The following TENM2 variants were observed in gnomAD, a reference collection of about 807,000 sequenced individuals.
TENM2 encodes the protein teneurin-2.
A neutral mutation model predicts 245.2 loss-of-function variants in TENM2; 52 were observed. The observed-to-expected ratio is 0.21, with a 90% confidence interval of 0.17 to 0.27. TENM2 has a LOEUF of 0.27. Ranked by LOEUF, TENM2 falls within the 10% of genes least tolerant of loss-of-function variation. The pLI is 1.00. For missense variants in TENM2, 3,046 were observed against 3,666.8 expected (o/e 0.83, Z 4.37); for synonymous variants, 1,363 against 1,438.9 (o/e 0.95, Z 1.19).
intron 2 of TENM2, among the ~76,000 whole-genome samples, chr5:167,512,767 T>A (rs762222832): frequency 2.0e-5 from 3 of 152,208 alleles, no homozygotes; most frequent in Non-Finnish European, 4.4e-5. Context: ...GGAAAGCAAT[T>A]TAATTTTTCC....
chr5:168,041,381 G>A, intron 5 of TENM2, among the ~76,000 whole-genome samples: 1 of 151,978 alleles, frequency 6.6e-6, no homozygotes, highest in East Asian at 1.9e-4. Context: ...CAAACAAAAG[G>A]CAAAGCTCCT....
chr5:168,196,148 T>A (rs1168914412), intron 15 of TENM2, among the ~76,000 whole-genome samples: 1 of 152,130 alleles, frequency 6.6e-6, no homozygotes, highest in East Asian at 1.9e-4. Context: ...ATCACAGAAG[T>A]AAGAACAGGG....
At chr5:167,433,316 G>A (rs527907205) in intron 2 of TENM2, among the ~76,000 whole-genome samples, 2 of 152,084 alleles carry the variant, frequency 1.3e-5, no homozygotes, top group South Asian at 2.1e-4. Flanking sequence ...ATTTTTAATG[G>A]CTTCTGTACA....
At chr5:168,085,331 C>A (rs1266286832) in intron 7 of TENM2, 1 of 152,204 alleles carries the variant, frequency 6.6e-6, no homozygotes, top group Non-Finnish European at 1.5e-5. Context: ...TTTCAGGGAA[C>A]CCTGTTTGTT....
At chr5:167,976,786 A>T (rs1782472929) in intron 4 of TENM2, among the ~76,000 whole-genome samples, 1 of 152,158 alleles carries the variant, frequency 6.6e-6, no homozygotes, top group Non-Finnish European at 1.5e-5. Context: ...AACAATAAAA[A>T]CTTTTGTTTA....
Position 167,968,393 on chromosome 5 carries a change from T to G in TENM2, c.947+15571T>G, listed in dbSNP as rs550457585. On this transcript the variant is annotated intron_variant, in intron 4 of 28. Coordinates refer to ENST00000518659, the Ensembl canonical transcript of TENM2. ...AAATACCTCCAATTGCTGTCATTTG[T>G]ACTTAAGCTGTGTATGCCTTATAGT... 8.4e-4 allele frequency among the ~76,000 whole-genome samples: 128 copies of G among 152,290 alleles called. 1 individual carries two copies. The highest frequency in any genetic ancestry group is 2.9e-3 in the African/African-American group (122 of 41,576).
intron 2 of TENM2, among the ~76,000 whole-genome samples, chr5:167,673,078 C>T (rs1333660901): frequency 2.0e-5 from 3 of 151,964 alleles, no homozygotes; most frequent in African/African-American, 7.2e-5. Flanking sequence ...AAGCATTAAA[C>T]AATCATGTCT....
chr5:167,640,885 A>ATATC (rs1561629042), intron 2 of TENM2, among the ~76,000 whole-genome samples: 3 of 69,898 alleles, frequency 4.3e-5, no homozygotes, highest in African/African-American at 2.6e-4. Context: ...ATATATATAT[A>ATATC]TATATATATA....
chr5:167,455,624 T>G (rs1359833991), intron 2 of TENM2, among the ~76,000 whole-genome samples: 1 of 152,214 alleles, frequency 6.6e-6, no homozygotes, highest in Non-Finnish European at 1.5e-5. Context: ...GATAAATAAG[T>G]TAACTGAATA....
At chr5:168,240,547 A>G (rs1021813934) in intron 25 of TENM2, among the ~76,000 whole-genome samples, 9 of 152,180 alleles carry the variant, frequency 5.9e-5, no homozygotes, top group African/African-American at 2.2e-4. Flanking sequence ...TAAATTAGAC[A>G]AAACAAGGGC....
At chr5:167,685,014 G>C (rs958108544) in intron 2 of TENM2, among the ~76,000 whole-genome samples, 5 of 152,162 alleles carry the variant, frequency 3.3e-5, no homozygotes, top group African/African-American at 4.8e-5. Context: ...TGCCTTGGTG[G>C]CTCCTATCCT....
the TENM2 span, among the ~76,000 whole-genome samples, chr5:167,141,426 C>T: frequency 6.6e-6 from 1 of 152,128 alleles, no homozygotes; most frequent in African/African-American, 2.4e-5. Flanking sequence ...GTTAAATATT[C>T]ATACTGACCA....
intron 2 of TENM2, among the ~76,000 whole-genome samples, chr5:167,606,020 C>T (rs1777017776): frequency 6.6e-6 from 1 of 152,156 alleles, no homozygotes; most frequent in Admixed American, 6.5e-5. Context: ...TCTTACAACA[C>T]AACTAAGACA....
chr5:167,291,408 C>T (rs1754628488), intron 1 of TENM2, among the ~76,000 whole-genome samples: 1 of 152,234 alleles, frequency 6.6e-6, no homozygotes, highest in Non-Finnish European at 1.5e-5. Flanking sequence ...TCATCTCTCA[C>T]AAGATTCTCA....
intron 2 of TENM2, among the ~76,000 whole-genome samples, chr5:167,795,062 A>G (rs898735313): frequency 6.6e-6 from 1 of 152,184 alleles, no homozygotes. Context: ...TACTAAGTAG[A>G]GCAATTCATT....
At chr5:168,018,797 C>G (rs545903111) in intron 5 of TENM2, among the ~76,000 whole-genome samples, 1 of 152,194 alleles carries the variant, frequency 6.6e-6, no homozygotes, top group African/African-American at 2.4e-5. Flanking sequence ...CAAGCATTCA[C>G]TAAAAACTTC....
intron 9 of TENM2, among the ~76,000 whole-genome samples, chr5:168,100,676 T>C (rs1386392552): frequency 6.7e-6 from 1 of 149,760 alleles, no homozygotes; most frequent in Non-Finnish European, 1.5e-5. Context: ...TAAGTGAGAG[T>C]TGAACAATGA....
the TENM2 span, among the ~76,000 whole-genome samples, chr5:167,222,788 A>G: frequency 6.6e-6 from 1 of 152,164 alleles, no homozygotes; most frequent in East Asian, 1.9e-4. Flanking sequence ...AATTTCCTAC[A>G]ATTGTTTATT....
chr5:167,721,134 C>T (rs1271659634), intron 2 of TENM2, among the ~76,000 whole-genome samples: 3 of 152,108 alleles, frequency 2.0e-5, no homozygotes, highest in Non-Finnish European at 2.9e-5. Context: ...GACCTTTTGT[C>T]CTTCAATCAT....
Sources: gnomAD v4.1 joint callset for allele counts (sites outside exome capture counted in the v4.1 genomes callset) on GRCh38, gnomAD v4.1.1 for gene constraint, MANE v1.5 for transcripts, NCBI Gene and HGNC (gene_info 2026-07-23, HGNC 2026-07-21) for gene names.